Variants in CNOT7 observed in about 807,000 individuals in gnomAD.
CNOT7 encodes CCR4-NOT transcription complex subunit 7, also known as BTG1-binding factor 1.
In CNOT7, 4 loss-of-function variants were observed where a neutral mutation model predicts 37.1. The ratio of observed to expected loss-of-function variants is 0.11; its 90% CI spans 0.05 to 0.25. CNOT7 has a LOEUF of 0.25. Among genes scored for constraint, CNOT7 ranks in the 10% least tolerant of loss-of-function variants. The probability of loss-of-function intolerance (pLI) is 1.00; values close to 1 mark genes in which losing one functional copy is unlikely to be tolerated. For synonymous variants in CNOT7, 128 were observed against 115.6 expected, an observed-to-expected ratio of 1.11 and a Z score of -0.69; for missense variants, 170 against 336.2, an observed-to-expected ratio of 0.51 and a Z score of 3.87.
chr8:17,245,328 A>G (rs1456485728), intron 1 of CNOT7, 81 bp from the exon 2 acceptor site: 3 of 610,722 alleles, frequency 4.9e-6, no homozygotes, highest in Non-Finnish European at 7.4e-6. Flanking sequence ...GGAACCTAAG[A>G]AGTTATTTAT....
intron 1 of CNOT7, chr8:17,245,856 C>T (rs767514245): frequency 6.6e-6 from 1 of 151,932 alleles, no homozygotes; most frequent in Non-Finnish European, 1.5e-5. Context: ...TGCATGGTTA[C>T]CAAAGATAGA....
rs574250409 is a variant in CNOT7, at chr8:17,227,706, T to C, written c.*3014A>G. 3 of 152,046 alleles carry C rather than the reference T, an allele frequency of 2.0e-5. No individual in the cohort carries two copies. Among genetic ancestry groups the C allele is most frequent in the African/African-American group, 7.2e-5 (3 of 41,574 alleles). The allele number at this position is 152,046 out of a possible 1,614,324, so 9.4% of individuals were successfully genotyped here. A position where few individuals can be genotyped will look rare whatever the true frequency, so the allele number is the denominator to read the frequency against. ...TGGGAATATTGTGATGTTAGTCTGA[T>C]ACTGTCAGTCTATTCTTTTACCAGT... On this transcript the variant is annotated 3_prime_UTR_variant, in exon 7 of 7. Transcript: ENST00000361272.
chr8:17,240,007 T>C (rs1809939632), intron 3 of CNOT7, among the ~76,000 whole-genome samples: 1 of 152,210 alleles, frequency 6.6e-6, no homozygotes, highest in Non-Finnish European at 1.5e-5. Flanking sequence ...TACAAAACAC[T>C]GAGTTATAAA....
intron 3 of CNOT7, 94 bp from the exon 4 acceptor site, chr8:17,237,467 G>C: frequency 8.5e-7 from 1 of 1,178,922 alleles, no homozygotes; most frequent in East Asian, 2.4e-5. Context: ...TGCCAGAAAA[G>C]AGACAGAGGA....
chr8:17,230,498 TATTAA>T lies in CNOT7; in HGVS notation c.*217_*221del, dbSNP rs1808476293. 5 of 317,174 alleles carry T rather than the reference TATTAA, an allele frequency of 1.6e-5. No individual in the cohort carries two copies. In the East Asian group the frequency reaches 2.5e-4, roughly 16 times the overall value. 19.6% of individuals were successfully genotyped at this position (317,174 alleles called of 1,614,324 possible). A position where few individuals can be genotyped will look rare whatever the true frequency, so the allele number is the denominator to read the frequency against. On this transcript the variant is annotated 3_prime_UTR_variant, in exon 7 of 7. Transcript: ENST00000361272. ...TGTCACACACGCTTGCTAACAAGTA[TATTAA>T]ATTAAGGCCAAATTTAACCTGAATG... is the stretch of plus-strand genomic sequence containing the variant.
Position 17,230,771 on chromosome 8 carries a change from T to C in CNOT7, c.807A>G (p.Val269=). The change falls in exon 7 of 7, where the codon GTA becomes GTG. Residue 269 remains valine (V), a synonymous_variant. Coordinates refer to ENST00000361272, the MANE Select transcript of CNOT7 (RefSeq NM_013354.7). ...CATATGCATTCCCTGTGCCATTCTG[T>C]ACATAGGATGAACCAGAACCAAGGC... ...LYGLGSGSSY[V]QNGTGNAYEE... 2 of 1,611,074 alleles carry C rather than the reference T, an allele frequency of 1.2e-6. No homozygotes were observed. The highest frequency in any genetic ancestry group is 1.1e-5 in the South Asian group (1 of 90,780).
chr8:17,243,318 T>A lies in CNOT7; in HGVS notation c.118-133A>T, dbSNP rs578038637. On this transcript the variant is annotated intron_variant, in intron 2 of 6. Coordinates refer to ENST00000361272, the MANE Select transcript of CNOT7 (RefSeq NM_013354.7). ...CATTTATATTCAATTACAAAGTATATTTTAACTAGAAAGAACATCACTTTT... is the reference window on the plus strand; with the variant it reads ...CATTTATATTCAATTACAAAGTATAATTTAACTAGAAAGAACATCACTTTT... 2.6e-5 allele frequency: 18 copies of A among 704,972 alleles called. No homozygotes were observed. In the African/African-American group the frequency reaches 2.9e-4, roughly 11 times the overall value. The allele number at this position is 704,972 out of a possible 1,614,324, so 43.7% of individuals were successfully genotyped here.
intron 1 of CNOT7, 32 bp from the exon 2 acceptor site, chr8:17,245,279 G>C: frequency 2.1e-6 from 2 of 936,388 alleles, no homozygotes; most frequent in Non-Finnish European, 3.0e-6. Context: ...ATGAAGACCA[G>C]ATATATCAAA....
At position 17,225,382 on chromosome 8, in the gene CNOT7, G is replaced by A. The variant is rs1426388126; in HGVS notation, c.*5338C>T. The A allele has an allele frequency of 6.6e-6, 1 of 151,726 alleles. No homozygotes were observed. Among genetic ancestry groups the A allele is most frequent in the African/African-American group, 2.4e-5 (1 of 41,404 alleles). 9.4% of individuals were successfully genotyped at this position (151,726 alleles called of 1,614,324 possible). A position where few individuals can be genotyped will look rare whatever the true frequency, so the allele number is the denominator to read the frequency against. On this transcript the variant is annotated 3_prime_UTR_variant, in exon 7 of 7. Coordinates refer to ENST00000361272, the MANE Select transcript of CNOT7 (RefSeq NM_013354.7). ...TATACAAAAAATTCCTCCATACCAG[G>A]AAGGAGAGTATTGACCAGTTTATCT...
Position 17,245,185 on chromosome 8 carries a change from A to G in CNOT7, c.-33T>C. On this transcript the variant is annotated 5_prime_UTR_variant, in exon 2 of 7. An upstream start codon of the reference 5' UTR is lost. Coordinates refer to ENST00000361272, the MANE Select transcript of CNOT7 (RefSeq NM_013354.7). ...GCACAAGGGAGTCTAGATGCCAAGC[A>G]TCAAAATGTTATACTTGATTGAAGA... The G allele has an allele frequency of 6.3e-7, 1 of 1,577,228 alleles. No individual in the cohort carries two copies. The highest frequency in any genetic ancestry group is 8.6e-7 in the Non-Finnish European group (1 of 1,163,284).
chr8:17,231,656 A>T, intron 6 of CNOT7: 5 of 985,450 alleles, frequency 5.1e-6, no homozygotes, highest in Non-Finnish European at 6.0e-6. Flanking sequence ...TATAGTCAAG[A>T]AAAACCTCAC....
At chr8:17,232,261 A>T in intron 6 of CNOT7, 166 bp downstream of exon 6, 1 of 1,460,848 alleles carries the variant, frequency 6.8e-7, no homozygotes, top group Non-Finnish European at 9.0e-7. Flanking sequence ...ACATTTCAAG[A>T]TGACTTATTT....
At chr8:17,236,148 C>G (rs1484506038) in intron 4 of CNOT7, among the ~76,000 whole-genome samples, 1 of 152,156 alleles carries the variant, frequency 6.6e-6, no homozygotes, top group Non-Finnish European at 1.5e-5. Flanking sequence ...TGTTCAGTAC[C>G]TACAACTCAA....
rs1298721121 is a variant in CNOT7, at chr8:17,229,814, GCAT to G, written c.*903_*905del. The stretch of plus-strand genomic sequence containing the variant: ...GATTTGTGTAACCAACAAATCAAGA[GCAT>G]CATAAGAATGGCTACAAAATTTAAA... On this transcript the variant is annotated 3_prime_UTR_variant, in exon 7 of 7. Coordinates refer to ENST00000361272, the MANE Select transcript of CNOT7 (RefSeq NM_013354.7). 6.8e-6 allele frequency: 1 copy of G among 147,978 alleles called. No individual in the cohort carries two copies. The allele number at this position is 147,978 out of a possible 1,614,324, so 9.2% of individuals were successfully genotyped here.
At chr8:17,232,155 AAAT>A in intron 6 of CNOT7, 1 of 1,155,502 alleles carries the variant, frequency 8.7e-7, no homozygotes, top group Non-Finnish European at 1.1e-6. Context: ...CTCACCTGAG[AAAT>A]AATATGGTTG....
chr8:17,235,976 T>TA (rs1224889726), intron 4 of CNOT7, among the ~76,000 whole-genome samples: 5 of 152,180 alleles, frequency 3.3e-5, no homozygotes, highest in African/African-American at 1.2e-4. Context: ...TCATATACAG[T>TA]AAAAGGGAAG....
At position 17,230,034 on chromosome 8, in the gene CNOT7, C is replaced by T. The variant is rs1485075012; in HGVS notation, c.*686G>A. On this transcript the variant is annotated 3_prime_UTR_variant, in exon 7 of 7. Transcript: ENST00000361272. ...TTCTTCAGTCACAGAGCAGCCTACA[C>T]ATGCCAATTAGAAACTGACAGACAC... 6.6e-6 allele frequency: 1 copy of T among 152,368 alleles called. No individual in the cohort carries two copies. The highest frequency in any genetic ancestry group is 2.4e-5 in the African/African-American group (1 of 41,420). The allele number at this position is 152,368 out of a possible 1,614,324, so 9.4% of individuals were successfully genotyped here. A position where few individuals can be genotyped will look rare whatever the true frequency, so the allele number is the denominator to read the frequency against.
chr8:17,245,423 A>G (rs556293969), intron 1 of CNOT7, among the ~76,000 whole-genome samples, 176 bp from the exon 2 acceptor site: 1 of 152,140 alleles, frequency 6.6e-6, no homozygotes, highest in African/African-American at 2.4e-5. Flanking sequence ...GAAAAAAAGG[A>G]CTACAGTACA....
intron 3 of CNOT7, chr8:17,242,451 A>G (rs1585840018): frequency 1.3e-5 from 2 of 152,362 alleles, no homozygotes; most frequent in East Asian, 3.9e-4. Flanking sequence ...CTGACATATG[A>G]TAAACACCAG....
Sources: gnomAD v4.1 joint callset for allele counts (sites outside exome capture counted in the v4.1 genomes callset) on GRCh38, gnomAD v4.1.1 for gene constraint, MANE v1.5 for transcripts, NCBI Gene and HGNC (gene_info 2026-07-23, HGNC 2026-07-21) for gene names.